Variants in HS3ST2 observed in about 807,000 individuals in gnomAD.
The protein encoded by HS3ST2 is heparan sulfate-glucosamine 3-sulfotransferase 2.
In HS3ST2, 17 loss-of-function variants were observed where a neutral mutation model predicts 26.3. That is an observed-to-expected ratio of 0.65 (90% CI 0.44 to 0.97). HS3ST2 has a LOEUF of 0.97. Among genes scored for constraint, HS3ST2 ranks in the 50% least tolerant of loss-of-function variants. The pLI is 0.00. For missense variants in HS3ST2, 402 were observed against 501.2 expected, an observed-to-expected ratio of 0.80 and a Z score of 1.89; for synonymous variants, 237 against 219.2, an observed-to-expected ratio of 1.08 and a Z score of -0.72.
At chr16:22,819,017 C>T (rs144120266) in intron 1 of HS3ST2, among the ~76,000 whole-genome samples, 1,066 of 4,180 alleles carry the variant, frequency 0.26, 157 homozygotes, top group Middle Eastern at 0.62. Context: ...CTCCCTCCCT[C>T]CCTTCCTTCC....
At chr16:22,819,085 TC>T (rs1312822392) in intron 1 of HS3ST2, among the ~76,000 whole-genome samples, 1 of 13,760 alleles carries the variant, frequency 7.3e-5, no homozygotes, top group Non-Finnish European at 1.2e-4. Context: ...CCTCCCTCCC[TC>T]CCTTCCTCCC....
intron 1 of HS3ST2, among the ~76,000 whole-genome samples, chr16:22,861,269 G>A (rs978093863): frequency 3.3e-5 from 5 of 151,916 alleles, no homozygotes; most frequent in East Asian, 1.9e-4. Flanking sequence ...AGTCTGGGGG[G>A]TCCATCAGAG....
Position 22,830,122 on chromosome 16 carries a change from A to G in HS3ST2, c.485+15027A>G, listed in dbSNP as rs1056109804. 8.0e-5 allele frequency among the ~76,000 whole-genome samples: 12 copies of G among 150,132 alleles called. No individual in the cohort carries two copies. In the East Asian group the frequency reaches 2.3e-3, roughly 29 times the overall value. On this transcript the variant is annotated intron_variant, in intron 1 of 1. Transcript: ENST00000261374. ...ATGTACATGCCCACAGACTCGCTGT[A>G]GGATGTTGAGTTTGTGATGCTGTCA...
intron 1 of HS3ST2, among the ~76,000 whole-genome samples, chr16:22,846,180 G>A (rs1283996723): frequency 6.6e-6 from 1 of 152,050 alleles, no homozygotes; most frequent in Non-Finnish European, 1.5e-5. Context: ...GGGAGGCTGA[G>A]GCAGGAGAAT....
chr16:22,902,652 A>T (rs1014653795), intron 1 of HS3ST2, among the ~76,000 whole-genome samples: 4 of 152,242 alleles, frequency 2.6e-5, no homozygotes, highest in African/African-American at 4.8e-5. Context: ...ATCAATGTAT[A>T]TGTCTACCAA....
intron 1 of HS3ST2, among the ~76,000 whole-genome samples, chr16:22,899,561 C>G (rs1902255963): frequency 6.6e-6 from 1 of 151,956 alleles, no homozygotes; most frequent in African/African-American, 2.4e-5. Context: ...TGCTAAAGGC[C>G]CCTGAATTAG....
intron 1 of HS3ST2, among the ~76,000 whole-genome samples, chr16:22,846,402 T>C (rs1391824291): frequency 2.6e-5 from 4 of 152,206 alleles, no homozygotes; most frequent in African/African-American, 9.6e-5. Context: ...TCACCTCTAA[T>C]GCCTCCCTTG....
At chr16:22,900,718 C>T (rs559400924) in intron 1 of HS3ST2, among the ~76,000 whole-genome samples, 1 of 152,120 alleles carries the variant, frequency 6.6e-6, no homozygotes, top group East Asian at 1.9e-4. Context: ...GGAAGAAAAA[C>T]AAGTTTCAAC....
rs562273226 is a variant in HS3ST2, at chr16:22,881,083, T to C, written c.486-33861T>C. On this transcript the variant is annotated intron_variant, in intron 1 of 1. Transcript: ENST00000261374. Reference sequence around the variant, plus strand: ...CTTGCAACCAAAGGACAGATCTCCATTCAAATTCTAGCTCTGCCAATTACT... The same window carrying C: ...CTTGCAACCAAAGGACAGATCTCCACTCAAATTCTAGCTCTGCCAATTACT... 2.6e-5 allele frequency among the ~76,000 whole-genome samples: 4 copies of C among 152,342 alleles called. No individual in the cohort carries two copies. The South Asian group carries it at 8.3e-4, about 32-fold the overall frequency.
At chr16:22,847,718 C>A in intron 1 of HS3ST2, among the ~76,000 whole-genome samples, 1 of 148,240 alleles carries the variant, frequency 6.7e-6, no homozygotes, top group South Asian at 2.1e-4. Context: ...GCCATAGAGT[C>A]AGGAGTACGA....
Position 22,905,498 on chromosome 16 carries a change from A to C in HS3ST2, c.486-9446A>C, listed in dbSNP as rs558770171. 3.3e-5 allele frequency among the ~76,000 whole-genome samples: 5 copies of C among 151,886 alleles called. No homozygotes were observed. In the South Asian group the frequency reaches 1.0e-3, roughly 31 times the overall value. On this transcript the variant is annotated intron_variant, in intron 1 of 1. Coordinates refer to ENST00000261374, the MANE Select transcript of HS3ST2 (RefSeq NM_006043.2). ...TGTTTCCCTTAGGGTGAAAGAGTAT[A>C]GACTTTTATAGCATGAGAAAGAGGG...
At chr16:22,831,251 A>C (rs953726033) in intron 1 of HS3ST2, among the ~76,000 whole-genome samples, 1 of 152,256 alleles carries the variant, frequency 6.6e-6, no homozygotes, top group Non-Finnish European at 1.5e-5. Context: ...CTAGTGGTAC[A>C]TATCCCACAT....
At chr16:22,885,764 A>T (rs1407760476) in intron 1 of HS3ST2, among the ~76,000 whole-genome samples, 1 of 152,012 alleles carries the variant, frequency 6.6e-6, no homozygotes, top group African/African-American at 2.4e-5. Context: ...CCTAGTCCTT[A>T]ATTTTTTACT....
chr16:22,882,567 C>T (rs1312632013), intron 1 of HS3ST2, among the ~76,000 whole-genome samples: 1 of 151,908 alleles, frequency 6.6e-6, no homozygotes, highest in Non-Finnish European at 1.5e-5. Flanking sequence ...AACCCTGTCT[C>T]CACTAAAAAT....
chr16:22,857,392 G>A (rs563632786), intron 1 of HS3ST2, among the ~76,000 whole-genome samples: 1 of 152,238 alleles, frequency 6.6e-6, no homozygotes, highest in Admixed American at 6.5e-5. Flanking sequence ...GATTTTCACT[G>A]TAGCCTCTCG....
chr16:22,843,137 T>A (rs1901381801), intron 1 of HS3ST2, among the ~76,000 whole-genome samples: 1 of 151,596 alleles, frequency 6.6e-6, no homozygotes, highest in Non-Finnish European at 1.5e-5. Flanking sequence ...GAATAAGAAC[T>A]CTGTGACTAG....
At chr16:22,834,255 C>A (rs1901217909) in intron 1 of HS3ST2, among the ~76,000 whole-genome samples, 2 of 151,926 alleles carry the variant, frequency 1.3e-5, no homozygotes, top group Admixed American at 6.6e-5. Context: ...CAAAGTGTAC[C>A]CACAGTTGTA....
chr16:22,874,407 A>T (rs1901882751), intron 1 of HS3ST2, among the ~76,000 whole-genome samples: 1 of 152,164 alleles, frequency 6.6e-6, no homozygotes, highest in African/African-American at 2.4e-5. Flanking sequence ...TTTGTGTGGA[A>T]TTTCTTCACT....
chr16:22,895,247 GCCTGGCTGATTTT>G (rs1206778739), intron 1 of HS3ST2, among the ~76,000 whole-genome samples: 1 of 151,904 alleles, frequency 6.6e-6, no homozygotes, highest in Non-Finnish European at 1.5e-5. Flanking sequence ...CTGCCACCAG[GCCTGGCTGATTTT>G]TGTATTTTCA....
Sources: gnomAD v4.1 joint callset for allele counts (sites outside exome capture counted in the v4.1 genomes callset) on GRCh38, gnomAD v4.1.1 for gene constraint, MANE v1.5 for transcripts, NCBI Gene and HGNC (gene_info 2026-07-23, HGNC 2026-07-21) for gene names.